Variants in KCNQ3 observed in about 807,000 individuals in gnomAD.
The protein encoded by KCNQ3 is potassium voltage-gated channel subfamily Q member 3.
KCNQ3 carries 30 observed loss-of-function variants against 92.5 expected under a neutral mutation model. The ratio of observed to expected loss-of-function variants is 0.32; its 90% CI spans 0.24 to 0.44. The LOEUF is 0.44. Among genes scored for constraint, KCNQ3 ranks in the 20% least tolerant of loss-of-function variants. KCNQ3 has a pLI of 1.00. For synonymous variants in KCNQ3, 450 were observed against 468.8 expected, an observed-to-expected ratio of 0.96 and a Z score of 0.52; for missense variants, 913 against 1,140.3, an observed-to-expected ratio of 0.80 and a Z score of 2.87.
chr8:132,428,111 G>A (rs147500665), intron 1 of KCNQ3, among the ~76,000 whole-genome samples: 2 of 151,878 alleles, frequency 1.3e-5, no homozygotes, highest in Non-Finnish European at 2.9e-5. Context: ...TGTCTCTCTC[G>A]ACTTCTCGGT....
chr8:132,325,651 C>T (rs545004464), intron 1 of KCNQ3, among the ~76,000 whole-genome samples: 1 of 152,156 alleles, frequency 6.6e-6, no homozygotes, highest in Non-Finnish European at 1.5e-5. Context: ...GGACAGAGGT[C>T]CCAGAAAAAC....
At chr8:132,198,628 G>T (rs1215246139) in intron 1 of KCNQ3, among the ~76,000 whole-genome samples, 1 of 152,118 alleles carries the variant, frequency 6.6e-6, no homozygotes, top group Non-Finnish European at 1.5e-5. Context: ...CCAACACAAT[G>T]AAACCTCATC....
At chr8:132,191,945 A>G (rs1827174919) in intron 1 of KCNQ3, among the ~76,000 whole-genome samples, 1 of 152,172 alleles carries the variant, frequency 6.6e-6, no homozygotes, top group Admixed American at 6.5e-5. Context: ...TGCGGCCAGC[A>G]GGACCGCGAA....
At chr8:132,191,604 T>TGTGC (rs1270287097) in intron 1 of KCNQ3, among the ~76,000 whole-genome samples, 4 of 147,378 alleles carry the variant, frequency 2.7e-5, no homozygotes, top group Non-Finnish European at 4.5e-5. Context: ...TGTGTGTATG[T>TGTGC]GTGTGTATGT....
chr8:132,275,572 C>T (rs1816298843), intron 1 of KCNQ3, among the ~76,000 whole-genome samples: 1 of 140,636 alleles, frequency 7.1e-6, no homozygotes, highest in Admixed American at 7.6e-5. Context: ...TTATGAGCAC[C>T]AGTGAAACCT....
chr8:132,185,188 C>T (rs2130180243), intron 2 of KCNQ3, among the ~76,000 whole-genome samples: 1 of 152,358 alleles, frequency 6.6e-6, no homozygotes, highest in Non-Finnish European at 1.5e-5. Flanking sequence ...CAAACCCCTG[C>T]TCTCAGAAGG....
chr8:132,275,403 G>C (rs1246063429), intron 1 of KCNQ3, among the ~76,000 whole-genome samples: 2 of 152,020 alleles, frequency 1.3e-5, no homozygotes, highest in East Asian at 3.9e-4. Flanking sequence ...CCCTTGAAGA[G>C]AAAAAGAAAG....
chr8:132,189,616 C>T (rs1021605549), intron 1 of KCNQ3, among the ~76,000 whole-genome samples: 13 of 152,088 alleles, frequency 8.5e-5, no homozygotes, highest in South Asian at 2.1e-4. Context: ...CGCCTGAGGT[C>T]GGGAGTTCGA....
chr8:132,153,864 A>G (rs1825712241), intron 9 of KCNQ3, among the ~76,000 whole-genome samples: 1 of 151,966 alleles, frequency 6.6e-6, no homozygotes, highest in Non-Finnish European at 1.5e-5. Flanking sequence ...TCCCTTATGT[A>G]CCCTAGGTAT....
chr8:132,480,616 G>T lies in KCNQ3; in HGVS notation c.-84C>A, dbSNP rs1213284102. On this transcript the variant is annotated 5_prime_UTR_variant, in exon 1 of 15. Coordinates refer to ENST00000388996, the MANE Select transcript of KCNQ3 (RefSeq NM_004519.4). Reference sequence around the variant, plus strand: ...GCTCGGGGTGCGTGAACGAGGCGGCGGCGGCGGCTGCAAGCCCGGGAACTC... The same window carrying T: ...GCTCGGGGTGCGTGAACGAGGCGGCTGCGGCGGCTGCAAGCCCGGGAACTC... 1 of 1,196,130 alleles carries T rather than the reference G, an allele frequency of 8.4e-7. No homozygotes were observed. The highest frequency in any genetic ancestry group is 3.2e-4 in the Middle Eastern group (1 of 3,128). The allele number at this position is 1,196,130 out of a possible 1,614,324, so 74.1% of individuals were successfully genotyped here.
chr8:132,220,991 G>A (rs973805089), intron 1 of KCNQ3, among the ~76,000 whole-genome samples: 1 of 151,914 alleles, frequency 6.6e-6, no homozygotes, highest in Non-Finnish European at 1.5e-5. Flanking sequence ...GACAGGCCCC[G>A]GGGTGTGATG....
chr8:132,129,732 G>T lies in KCNQ3; in HGVS notation c.2149C>A (p.Pro717Thr). The T allele has an allele frequency of 6.2e-7, 1 of 1,614,136 alleles. No homozygotes were observed. The highest frequency in any genetic ancestry group is 1.3e-5 in the African/African-American group (1 of 75,032). The part of the protein sequence containing the change: ...VSPYGFFAHD[P>T]VNLPRGGPSS... ...GGTCCCCCTCGGGGCAGGTTCACAG[G>T]GTCATGTGCAAAAAACCCATAGGGG... The change falls in exon 15 of 15, where the codon CCT becomes ACT. Residue 717 changes from proline (P) to threonine (T), a missense_variant. Transcript: ENST00000388996. The surrounding 1 kb of genome is among the most constrained non-coding windows in gnomAD (Gnocchi z 5.9).
intron 13 of KCNQ3, among the ~76,000 whole-genome samples, chr8:132,133,413 T>G (rs567992276): frequency 5.7e-5 from 8 of 140,038 alleles, no homozygotes; most frequent in Non-Finnish European, 1.1e-4. Flanking sequence ...TGGAATGCAG[T>G]GGCATGATCT....
At chr8:132,174,827 G>C (rs1826495705) in intron 5 of KCNQ3, among the ~76,000 whole-genome samples, 1 of 152,184 alleles carries the variant, frequency 6.6e-6, no homozygotes, top group Non-Finnish European at 1.5e-5. Flanking sequence ...GCATGTGAAA[G>C]GCAGGATTAT....
intron 1 of KCNQ3, among the ~76,000 whole-genome samples, chr8:132,434,220 A>T (rs1347891474): frequency 6.6e-6 from 1 of 150,532 alleles, no homozygotes. Context: ...AAAAAAAAAA[A>T]AAAAAAATAA....
intron 1 of KCNQ3, among the ~76,000 whole-genome samples, chr8:132,355,922 C>T (rs945184124): frequency 1.3e-5 from 2 of 152,288 alleles, no homozygotes; most frequent in African/African-American, 2.4e-5. Context: ...TCCTTTTACT[C>T]GGGGAGAGTC....
At chr8:132,362,386 A>T (rs1720677400) in intron 1 of KCNQ3, among the ~76,000 whole-genome samples, 2 of 152,172 alleles carry the variant, frequency 1.3e-5, no homozygotes, top group Admixed American at 1.3e-4. Flanking sequence ...TGCCTTAAGG[A>T]CCTGCCAAAG....
intron 2 of KCNQ3, among the ~76,000 whole-genome samples, chr8:132,184,982 G>C (rs1243850666): frequency 6.6e-6 from 1 of 152,202 alleles, no homozygotes; most frequent in Non-Finnish European, 1.5e-5. Context: ...GCACTCTCCA[G>C]GACACAGGGT....
chr8:132,207,150 A>G (rs550342656), intron 1 of KCNQ3, among the ~76,000 whole-genome samples: 85 of 152,320 alleles, frequency 5.6e-4, no homozygotes, highest in African/African-American at 2.0e-3. Context: ...TTTCTTTAAG[A>G]CCAACTCTTT....
Sources: gnomAD v4.1 joint callset for allele counts (sites outside exome capture counted in the v4.1 genomes callset) on GRCh38, gnomAD v4.1.1 for gene constraint, Gnocchi (gnomAD v3.1) non-coding constraint, MANE v1.5 for transcripts, NCBI Gene and HGNC (gene_info 2026-07-23, HGNC 2026-07-21) for gene names.